Variants in ANK3 observed in about 807,000 individuals in gnomAD.
ANK3 encodes ankyrin-3.
ANK3 carries 57 observed loss-of-function variants against 370.9 expected under a neutral mutation model. The ratio of observed to expected loss-of-function variants is 0.15; its 90% CI spans 0.12 to 0.19. The LOEUF (loss-of-function observed/expected upper bound fraction) is 0.19. Among genes scored for constraint, ANK3 ranks in the 10% least tolerant of loss-of-function variants. ANK3 has a pLI of 1.00. For synonymous variants in ANK3, 1,929 were observed against 1,946.3 expected (o/e 0.99, Z 0.23); for missense variants, 4,439 against 5,302.1 (o/e 0.84, Z 5.06).
chr10:60,220,746 A>G (rs943927914), intron 8 of ANK3, among the ~76,000 whole-genome samples: 2 of 152,120 alleles, frequency 1.3e-5, no homozygotes, highest in Non-Finnish European at 2.9e-5. Context: ...GTATACAACC[A>G]AGCTGTACCC....
chr10:60,451,229 T>C (rs987129311), intron 2 of ANK3, among the ~76,000 whole-genome samples: 5 of 152,122 alleles, frequency 3.3e-5, no homozygotes, highest in African/African-American at 1.2e-4. Flanking sequence ...CCCTTGCACA[T>C]ACCTTTGTTT....
chr10:60,525,684 C>G (rs1344987264), intron 2 of ANK3, among the ~76,000 whole-genome samples: 3 of 152,030 alleles, frequency 2.0e-5, no homozygotes, highest in African/African-American at 7.2e-5. Flanking sequence ...GTCCCTTTAC[C>G]ATGTATTTTG....
Position 60,067,999 on chromosome 10 carries a change from A to T in ANK3, c.12255T>A (p.Ser4085Arg). 6.2e-7 allele frequency: 1 copy of T among 1,608,524 alleles called. No homozygotes were observed. The highest frequency in any genetic ancestry group is 2.2e-5 in the East Asian group (1 of 44,602). The change falls in exon 38 of 44, where the codon AGT (serine) becomes AGA (arginine). Residue 4085 changes from serine to arginine, a missense_variant. Coordinates refer to ENST00000280772, the MANE Select transcript of ANK3 (RefSeq NM_020987.5). Reference sequence around the variant, plus strand: ...TCCTGATATCTGTCCGTTCACATGGACTCTGTGGACCTACGATTTACAATT... The same window carrying T: ...TCCTGATATCTGTCCGTTCACATGGTCTCTGTGGACCTACGATTTACAATT... ...KRSSRRTGPQ[S>R]PCERTDIRMA...
rs771625001 is a variant in ANK3 at position 60,069,397 on chromosome 10, T to C, written c.11484A>G (p.Ser3828=). The change falls in exon 37 of 44, where the codon TCA becomes TCG. Residue 3828 remains serine (S), a synonymous_variant. Coordinates refer to ENST00000280772, the MANE Select transcript of ANK3 (RefSeq NM_020987.5). Reference sequence around the variant, plus strand: ...CTTGTAGTACCCCTGTCTTTTTTCCTGATGAGACTTTCACTGGGTTATCTT... The same window carrying C: ...CTTGTAGTACCCCTGTCTTTTTTCCCGATGAGACTTTCACTGGGTTATCTT... ...TEKDNPVKVS[S]GKKTGVLQGH... is the part of the protein sequence containing the mutation. 25 of 1,613,868 alleles carry C rather than the reference T, an allele frequency of 1.5e-5. No homozygotes were observed. The highest frequency in any genetic ancestry group is 3.3e-4 in the Middle Eastern group (2 of 6,076).
At chr10:60,536,640 A>G (rs2133208605) in intron 2 of ANK3, among the ~76,000 whole-genome samples, 1 of 152,096 alleles carries the variant, frequency 6.6e-6, no homozygotes, top group African/African-American at 2.4e-5. Flanking sequence ...ACTTCAAGAA[A>G]AGGTGAATCA....
At chr10:60,058,953 C>T (rs569443442) in intron 41 of ANK3, among the ~76,000 whole-genome samples, 31 of 152,260 alleles carry the variant, frequency 2.0e-4, no homozygotes, top group African/African-American at 6.5e-4. Context: ...TGAGGTTTCA[C>T]CATGTTGGCC....
intron 21 of ANK3, among the ~76,000 whole-genome samples, chr10:60,168,463 C>T (rs559389106): frequency 4.0e-4 from 61 of 152,192 alleles, no homozygotes; most frequent in African/African-American, 1.4e-3. Flanking sequence ...AGGATCCCAT[C>T]GAGGATACTG....
At chr10:60,231,206 G>A (rs2097238711) in intron 8 of ANK3, among the ~76,000 whole-genome samples, 1 of 152,160 alleles carries the variant, frequency 6.6e-6, no homozygotes, top group South Asian at 2.1e-4. Flanking sequence ...CTTTCCAGCT[G>A]GTAATATCTT....
chr10:60,469,225 A>ATATATATATACCACTTTTAGTGTGTG (rs1491031302), intron 2 of ANK3, among the ~76,000 whole-genome samples: 20 of 948 alleles, frequency 0.021, 3 homozygotes, highest in African/African-American at 0.081. Context: ...TTTAGTGCAT[A>ATATATATATACCACTTTTAGTGTGTG]TATATATATA....
At chr10:60,136,986 T>C (rs1251966125) in intron 24 of ANK3, among the ~76,000 whole-genome samples, 3 of 152,150 alleles carry the variant, frequency 2.0e-5, no homozygotes, top group African/African-American at 7.2e-5. Context: ...CTAATTTACC[T>C]AGCACAACTC....
intron 1 of ANK3, among the ~76,000 whole-genome samples, chr10:60,369,443 TC>T (rs1247673576): frequency 6.6e-6 from 1 of 152,180 alleles, no homozygotes; most frequent in Non-Finnish European, 1.5e-5. Context: ...CTATGGGACT[TC>T]CTAGTCCTAT....
In ANK3 at chr10:60,317,646, GA is replaced by G. The variant is rs2047718936; in HGVS notation, c.115-38008del. ...ATCTGACAAATGAGAAAAGTTGCCT[GA>G]AATAACATCATCAGATATATGATGA... On this transcript the variant is annotated intron_variant, in intron 1 of 43. Coordinates refer to ENST00000280772, the MANE Select transcript of ANK3 (RefSeq NM_020987.5). 2.6e-5 allele frequency among the ~76,000 whole-genome samples: 4 copies of G among 151,812 alleles called. No individual in the cohort carries two copies. In the South Asian group the frequency reaches 8.3e-4, roughly 32 times the overall value.
intron 1 of ANK3, among the ~76,000 whole-genome samples, chr10:60,359,533 C>T (rs756570127): frequency 3.3e-5 from 5 of 152,202 alleles, no homozygotes; most frequent in African/African-American, 7.2e-5. Flanking sequence ...AAGCATTTGT[C>T]ACATGTATTC....
intron 1 of ANK3, among the ~76,000 whole-genome samples, chr10:60,308,465 G>A (rs563273578): frequency 1.8e-4 from 28 of 152,072 alleles, no homozygotes; most frequent in African/African-American, 6.5e-4. Flanking sequence ...TAGTAGAGAT[G>A]GGGTTTCACC....
At chr10:60,596,037 C>T (rs945976841) in intron 2 of ANK3, among the ~76,000 whole-genome samples, 3 of 152,094 alleles carry the variant, frequency 2.0e-5, no homozygotes, top group African/African-American at 7.2e-5. Flanking sequence ...TTTTAATATT[C>T]CTAACAGCAC....
chr10:60,688,308 C>T (rs2079298332), intron 1 of ANK3, among the ~76,000 whole-genome samples: 1 of 152,126 alleles, frequency 6.6e-6, no homozygotes, highest in African/African-American at 2.4e-5. Context: ...TCAAGTGATC[C>T]ACCCGCCTCA....
At chr10:60,191,162 G>A (rs1467922238) in intron 16 of ANK3, among the ~76,000 whole-genome samples, 2 of 151,952 alleles carry the variant, frequency 1.3e-5, no homozygotes, top group Non-Finnish European at 2.9e-5. Context: ...AACTCTTTTG[G>A]GCATTGAACT....
At chr10:60,636,611 T>G (rs1363311487) in intron 1 of ANK3, among the ~76,000 whole-genome samples, 1 of 152,206 alleles carries the variant, frequency 6.6e-6, no homozygotes, top group East Asian at 1.9e-4. Flanking sequence ...GCAGATTCTG[T>G]GTTCAGCTCA....
intron 2 of ANK3, among the ~76,000 whole-genome samples, chr10:60,609,502 T>C (rs1011384464): frequency 6.7e-6 from 1 of 150,176 alleles, no homozygotes; most frequent in African/African-American, 2.4e-5. Context: ...AATAAATCCA[T>C]AAAAGGGTCT....
Sources: gnomAD v4.1 joint callset for allele counts (sites outside exome capture counted in the v4.1 genomes callset) on GRCh38, gnomAD v4.1.1 for gene constraint, MANE v1.5 for transcripts, NCBI Gene and HGNC (gene_info 2026-07-23, HGNC 2026-07-21) for gene names.